The following PTPRD variants were observed in gnomAD, a reference collection of about 807,000 sequenced individuals.
PTPRD encodes the protein protein tyrosine phosphatase receptor type D.
PTPRD carries 34 observed loss-of-function variants against 214.5 expected under a neutral mutation model. The ratio of observed to expected loss-of-function variants is 0.16; its 90% CI spans 0.12 to 0.21. The LOEUF is 0.21. PTPRD is among the 10% of genes least tolerant of loss of function. The pLI, the probability that PTPRD is intolerant of heterozygous loss-of-function variation, is 1.00. For missense variants in PTPRD, 2,545 were observed against 2,398.7 expected (o/e 1.06, Z -1.27); for synonymous variants, 1,128 against 845.7 (o/e 1.33, Z -5.79).
rs186696882 is a variant in PTPRD at position 9,734,217 on chromosome 9, G to T, written c.-287+316C>A. On this transcript the variant is annotated intron_variant, in intron 7 of 45. Transcript: ENST00000381196. ...AAAGAAAAATTTTCCACATTTTACC[G>T]CATAATCCTCTGTCCTATCACGAAC... Among the ~76,000 whole-genome samples the T allele has an allele frequency of 2.1e-3, 322 of 152,104 alleles. 1 individual carries two copies. Among genetic ancestry groups the T allele is most frequent in the African/African-American group, 7.2e-3 (300 of 41,500 alleles).
chr9:10,226,629 T>A (rs915803743), intron 3 of PTPRD, among the ~76,000 whole-genome samples: 3 of 152,024 alleles, frequency 2.0e-5, no homozygotes, highest in African/African-American at 7.2e-5. Context: ...CCGCATTAAA[T>A]CTCAAGTACT....
At chr9:8,622,058 A>G (rs1412399376) in intron 14 of PTPRD, among the ~76,000 whole-genome samples, 1 of 151,884 alleles carries the variant, frequency 6.6e-6, no homozygotes, top group African/African-American at 2.4e-5. Context: ...ACACTTTAAA[A>G]TCATTTTGTA....
intron 9 of PTPRD, among the ~76,000 whole-genome samples, chr9:9,213,809 TTATC>T (rs992528725): frequency 7.9e-5 from 12 of 152,080 alleles, no homozygotes; most frequent in African/African-American, 2.9e-4. Context: ...ATCAAAATAT[TTATC>T]TATCATCTCT....
At chr9:8,913,649 T>C (rs1036673145) in intron 11 of PTPRD, among the ~76,000 whole-genome samples, 1 of 152,114 alleles carries the variant, frequency 6.6e-6, no homozygotes, top group Admixed American at 6.6e-5. Flanking sequence ...ATGAGCTTCT[T>C]ATTAAGGCAA....
At chr9:10,437,956 A>G (rs1276941630) in intron 2 of PTPRD, among the ~76,000 whole-genome samples, 2 of 147,002 alleles carry the variant, frequency 1.4e-5, no homozygotes, top group Non-Finnish European at 3.0e-5. Context: ...ACACAAAAAT[A>G]CACTGTACAG....
chr9:9,752,487 G>A (rs554168674), intron 6 of PTPRD, among the ~76,000 whole-genome samples: 22 of 152,022 alleles, frequency 1.4e-4, no homozygotes, highest in African/African-American at 5.3e-4. Flanking sequence ...TTGTGTACTA[G>A]TTTCTTGTAA....
At chr9:10,540,911 C>G (rs1469305586) in intron 2 of PTPRD, among the ~76,000 whole-genome samples, 1 of 152,044 alleles carries the variant, frequency 6.6e-6, no homozygotes, top group African/African-American at 2.4e-5. Context: ...GAATGAAATA[C>G]CAGGGGTGTT....
intron 11 of PTPRD, among the ~76,000 whole-genome samples, chr9:9,007,371 A>T (rs1357174223): frequency 6.6e-6 from 1 of 151,324 alleles, no homozygotes; most frequent in African/African-American, 2.4e-5. Context: ...TGTAGTCTCC[A>T]TTACCCTCCA....
chr9:10,238,548 TTG>T (rs1163405644), intron 3 of PTPRD, among the ~76,000 whole-genome samples: 1 of 151,882 alleles, frequency 6.6e-6, no homozygotes, highest in African/African-American at 2.4e-5. Flanking sequence ...ATTTAAAGAT[TTG>T]TCTCTATATT....
At chr9:9,146,350 T>C (rs1048741798) in intron 10 of PTPRD, among the ~76,000 whole-genome samples, 10 of 152,146 alleles carry the variant, frequency 6.6e-5, no homozygotes, top group Admixed American at 5.9e-4. Flanking sequence ...GGGCCAGATA[T>C]GTCAAAATTT....
At chr9:10,346,634 C>A (rs976901053) in intron 2 of PTPRD, among the ~76,000 whole-genome samples, 3 of 152,140 alleles carry the variant, frequency 2.0e-5, no homozygotes, top group Non-Finnish European at 4.4e-5. Context: ...TTTTTCCATT[C>A]TAAGGTCAGT....
intron 5 of PTPRD, among the ~76,000 whole-genome samples, chr9:9,901,946 A>AACAC (rs2076500764): frequency 6.6e-6 from 1 of 152,198 alleles, no homozygotes; most frequent in African/African-American, 2.4e-5. Context: ...TTATTTAGAT[A>AACAC]GTCGTTAGGA....
At chr9:9,953,567 T>C (rs888296434) in intron 4 of PTPRD, among the ~76,000 whole-genome samples, 2 of 151,922 alleles carry the variant, frequency 1.3e-5, no homozygotes, top group African/African-American at 2.4e-5. Context: ...TGGAGAATTC[T>C]AACACAATGA....
At chr9:8,445,414 A>G (rs2095685599) in intron 34 of PTPRD, among the ~76,000 whole-genome samples, 2 of 152,224 alleles carry the variant, frequency 1.3e-5, no homozygotes, top group South Asian at 4.1e-4. Flanking sequence ...CCTGCTTTCA[A>G]TTGTGAAAGC....
At chr9:8,699,869 T>C (rs1057427348) in intron 12 of PTPRD, among the ~76,000 whole-genome samples, 4 of 152,172 alleles carry the variant, frequency 2.6e-5, no homozygotes, top group Admixed American at 2.6e-4. Context: ...AGCAAGAGTT[T>C]CCCATTGTGA....
chr9:9,763,263 T>C (rs1344823943), intron 6 of PTPRD, among the ~76,000 whole-genome samples: 1 of 152,160 alleles, frequency 6.6e-6, no homozygotes, highest in Non-Finnish European at 1.5e-5. Context: ...ATAGAGATAA[T>C]CACTGTTAAT....
intron 9 of PTPRD, among the ~76,000 whole-genome samples, chr9:9,198,608 G>C (rs945709720): frequency 6.6e-6 from 1 of 152,008 alleles, no homozygotes; most frequent in Non-Finnish European, 1.5e-5. Flanking sequence ...CTGAGATTTG[G>C]CATTTCAATG....
At chr9:8,793,540 G>A (rs981979232) in intron 11 of PTPRD, among the ~76,000 whole-genome samples, 2 of 152,174 alleles carry the variant, frequency 1.3e-5, no homozygotes, top group Admixed American at 1.3e-4. Flanking sequence ...TAAGCTGTCA[G>A]GTTTGGGATA....
At position 8,461,473 on chromosome 9, in the gene PTPRD, T is replaced by C. The variant is rs1591154837; in HGVS notation, c.3715-902A>G. Among the ~76,000 whole-genome samples the C allele has an allele frequency of 2.0e-5, 3 of 152,028 alleles. No homozygotes were observed. In the South Asian group the frequency reaches 6.2e-4, roughly 32 times the overall value. On this transcript the variant is annotated intron_variant, in intron 32 of 45. Transcript: ENST00000381196. ...TAGCCTATATTAGGAAAACATCTTC[T>C]TGGCTCTACCTGCCCCCTTCAAGGC... is the stretch of plus-strand genomic sequence containing the variant.
Sources: gnomAD v4.1 joint callset for allele counts (sites outside exome capture counted in the v4.1 genomes callset) on GRCh38, gnomAD v4.1.1 for gene constraint, MANE v1.5 for transcripts, NCBI Gene and HGNC (gene_info 2026-07-23, HGNC 2026-07-21) for gene names.